AGBL4: variants seen among roughly 807,000 people sequenced by gnomAD.
AGBL4 encodes the protein cytosolic carboxypeptidase 6.
AGBL4 carries 58 observed loss-of-function variants against 66.4 expected under a neutral mutation model. That is an observed-to-expected ratio of 0.87 (90% confidence interval 0.71 to 1.09). The LOEUF (loss-of-function observed/expected upper bound fraction) is 1.09, where lower values mean the gene tolerates loss of function less well. Ranked by LOEUF, AGBL4 falls within the 50% of genes least tolerant of loss-of-function variation. AGBL4 has a pLI of 0.00. For missense variants in AGBL4, 579 were observed against 631.0 expected (o/e 0.92, Z 0.88); for synonymous variants, 234 against 222.9 (o/e 1.05, Z -0.44).
intron 11 of AGBL4, among the ~76,000 whole-genome samples, chr1:48,574,664 A>C (rs921320620): frequency 2.6e-5 from 4 of 151,552 alleles, no homozygotes. Context: ...CTAAGTTCCA[A>C]CTTGCATCCC....
chr1:48,561,713 G>A (rs1323618236), intron 11 of AGBL4, among the ~76,000 whole-genome samples: 1 of 152,172 alleles, frequency 6.6e-6, no homozygotes, highest in Non-Finnish European at 1.5e-5. Context: ...CTTGAGCTGG[G>A]ACATGGGTGT....
intron 5 of AGBL4, among the ~76,000 whole-genome samples, chr1:49,042,981 G>A (rs1459764072): frequency 6.6e-6 from 1 of 152,078 alleles, no homozygotes; most frequent in Non-Finnish European, 1.5e-5. Context: ...CTAAGAGAAG[G>A]TTGGGGTGGG....
chr1:49,193,627 A>G (rs1472841569), intron 4 of AGBL4, among the ~76,000 whole-genome samples: 2 of 151,486 alleles, frequency 1.3e-5, no homozygotes, highest in African/African-American at 4.9e-5. Context: ...TCTGGGGTTC[A>G]TGCCATTCTC....
At chr1:49,996,740 C>G (rs1453648373) in intron 1 of AGBL4, among the ~76,000 whole-genome samples, 1 of 152,178 alleles carries the variant, frequency 6.6e-6, no homozygotes, top group African/African-American at 2.4e-5. Context: ...ACAAAAAGAT[C>G]ACTGCCTAGG....
intron 3 of AGBL4, chr1:49,527,500 C>A (rs934782698): frequency 6.6e-6 from 1 of 152,614 alleles, no homozygotes; most frequent in African/African-American, 2.4e-5. Flanking sequence ...CTCAATGTAC[C>A]ATTTACCTGC....
At chr1:49,277,155 A>G (rs1297089576) in intron 3 of AGBL4, among the ~76,000 whole-genome samples, 1 of 152,208 alleles carries the variant, frequency 6.6e-6, no homozygotes, top group African/African-American at 2.4e-5. Flanking sequence ...TATTAAACTG[A>G]ATTTGATATT....
intron 3 of AGBL4, among the ~76,000 whole-genome samples, chr1:49,371,046 C>T (rs1259718286): frequency 6.6e-6 from 1 of 152,146 alleles, no homozygotes; most frequent in East Asian, 1.9e-4. Flanking sequence ...AGCTCTTGTG[C>T]ATCACCATCA....
intron 6 of AGBL4, among the ~76,000 whole-genome samples, chr1:48,816,990 A>G (rs1439250228): frequency 6.6e-6 from 1 of 152,220 alleles, no homozygotes; most frequent in Non-Finnish European, 1.5e-5. Flanking sequence ...GAAGGAAGTC[A>G]TTTGAGGCTG....
At chr1:49,516,478 T>G (rs1649835256) in intron 3 of AGBL4, among the ~76,000 whole-genome samples, 1 of 152,046 alleles carries the variant, frequency 6.6e-6, no homozygotes, top group African/African-American at 2.4e-5. Context: ...GAAAGAAACA[T>G]CATTGCATGT....
At chr1:49,056,535 A>C (rs1644312549) in intron 4 of AGBL4, among the ~76,000 whole-genome samples, 1 of 152,144 alleles carries the variant, frequency 6.6e-6, no homozygotes, top group East Asian at 1.9e-4. Context: ...GGCAGAAATA[A>C]GTTTTTGTGT....
Position 49,791,536 on chromosome 1 carries a change from C to A in AGBL4, c.157+59860G>T, listed in dbSNP as rs1392010119. Among the ~76,000 whole-genome samples, 4 of 152,176 alleles carry A rather than the reference C, an allele frequency of 2.6e-5. No individual in the cohort carries two copies. The East Asian group carries it at 7.7e-4, about 29-fold the overall frequency. On this transcript the variant is annotated intron_variant, in intron 2 of 13. Coordinates refer to ENST00000371839, the MANE Select transcript of AGBL4 (RefSeq NM_032785.4). ...CATCAAATGAACCACAAACCCTTTA[C>A]TATGGTCTATGAGACACTACATAAT...
At chr1:49,931,741 T>A (rs935253373) in intron 1 of AGBL4, among the ~76,000 whole-genome samples, 1 of 152,148 alleles carries the variant, frequency 6.6e-6, no homozygotes, top group Non-Finnish European at 1.5e-5. Flanking sequence ...CCACTGAGTA[T>A]CATTTTAGAA....
chr1:49,303,516 T>G (rs1350597945), intron 3 of AGBL4, among the ~76,000 whole-genome samples: 1 of 151,486 alleles, frequency 6.6e-6, no homozygotes, highest in Non-Finnish European at 1.5e-5. Flanking sequence ...GCAGTGGTGT[T>G]ATCTGTGCTC....
At chr1:48,890,674 A>T (rs964253139) in intron 5 of AGBL4, among the ~76,000 whole-genome samples, 1 of 152,132 alleles carries the variant, frequency 6.6e-6, no homozygotes, top group African/African-American at 2.4e-5. Context: ...ATTTTGGGTG[A>T]AGATGCTGGG....
chr1:48,979,303 T>C (rs1659569770), intron 5 of AGBL4, among the ~76,000 whole-genome samples: 1 of 152,178 alleles, frequency 6.6e-6, no homozygotes, highest in South Asian at 2.1e-4. Context: ...TCATTTTATT[T>C]ACTATTTCAA....
chr1:48,878,061 C>T (rs573241138), intron 5 of AGBL4, among the ~76,000 whole-genome samples: 5 of 152,082 alleles, frequency 3.3e-5, no homozygotes, highest in East Asian at 1.9e-4. Context: ...GGATACAATA[C>T]AAAATTTTCT....
At chr1:48,829,914 C>T (rs1490563959) in intron 6 of AGBL4, among the ~76,000 whole-genome samples, 2 of 151,754 alleles carry the variant, frequency 1.3e-5, no homozygotes, top group Non-Finnish European at 2.9e-5. Flanking sequence ...TGTGGGGTTG[C>T]AGTTAGGGGG....
rs1027223952 is a variant in AGBL4, at chr1:49,391,839, G to A, written c.283-145975C>T. ...GCCTCCCAAAGTGCTGGGATTACAG[G>A]TGTGAGCCAACCATGAGGTTTTGAA... is the stretch of plus-strand genomic sequence containing the variant. On this transcript the variant is annotated intron_variant, in intron 3 of 13. Transcript: ENST00000371839. 2.2e-4 allele frequency among the ~76,000 whole-genome samples: 34 copies of A among 152,186 alleles called. No homozygotes were observed. The South Asian group carries it at 2.7e-3, about 12-fold the overall frequency.
intron 3 of AGBL4, among the ~76,000 whole-genome samples, chr1:49,562,238 T>C (rs1332837548): frequency 6.7e-6 from 1 of 149,490 alleles, no homozygotes; most frequent in Non-Finnish European, 1.5e-5. Context: ...GTTGCAAAAA[T>C]CTTCTCCCAT....
Sources: allele counts gnomAD v4.1 joint callset (sites outside exome capture counted in the v4.1 genomes callset), GRCh38; gene constraint gnomAD v4.1.1; transcripts MANE v1.5; gene names NCBI Gene and HGNC (gene_info 2026-07-23, HGNC 2026-07-21).